FAM227B: variants seen among roughly 807,000 people sequenced by gnomAD.
FAM227B encodes protein FAM227B.
In FAM227B, 88 loss-of-function variants were observed where a neutral mutation model predicts 73.8. The observed-to-expected ratio is 1.19, with a 90% CI of 1.00 to 1.42. The LOEUF is 1.42. FAM227B is among the 40% of genes most tolerant of loss of function. The pLI is 0.00. For missense variants in FAM227B, 632 were observed against 590.9 expected, an observed-to-expected ratio of 1.07 and a Z score of -0.72; for synonymous variants, 210 against 190.5, an observed-to-expected ratio of 1.10 and a Z score of -0.84.
At chr15:49,549,896 TTGG>T (rs2072563177) in intron 9 of FAM227B, among the ~76,000 whole-genome samples, 1 of 112,490 alleles carries the variant, frequency 8.9e-6, no homozygotes, top group African/African-American at 2.8e-5. Flanking sequence ...GACGGGGTGG[TTGG>T]CCGGGCGGGG....
intron 11 of FAM227B, among the ~76,000 whole-genome samples, chr15:49,452,068 G>T (rs537851587): frequency 6.6e-6 from 1 of 151,600 alleles, no homozygotes; most frequent in South Asian, 2.1e-4. Flanking sequence ...TTGAGATAGA[G>T]TCTTGCTCTG....
intron 13 of FAM227B, among the ~76,000 whole-genome samples, chr15:49,335,902 G>A (rs2039627288): frequency 6.6e-6 from 1 of 151,988 alleles, no homozygotes; most frequent in Admixed American, 6.6e-5. Flanking sequence ...ACCCAGGCTG[G>A]AGTGTGGTAA....
At chr15:49,334,675 A>G (rs1340136941) in intron 14 of FAM227B, among the ~76,000 whole-genome samples, 4 of 152,176 alleles carry the variant, frequency 2.6e-5, no homozygotes, top group African/African-American at 9.7e-5. Flanking sequence ...GCAGGGGCGC[A>G]GGCTTTTAGA....
intron 8 of FAM227B, among the ~76,000 whole-genome samples, chr15:49,570,442 T>C (rs1346041026): frequency 2.0e-5 from 3 of 151,936 alleles, no homozygotes; most frequent in Admixed American, 2.0e-4. Flanking sequence ...ACATAGCTAT[T>C]TGTATGTCTT....
intron 9 of FAM227B, among the ~76,000 whole-genome samples, chr15:49,558,642 T>C (rs1047534880): frequency 6.6e-6 from 1 of 152,126 alleles, no homozygotes; most frequent in African/African-American, 2.4e-5. Flanking sequence ...TTTTACCTGC[T>C]GCCACCTAAG....
intron 11 of FAM227B, among the ~76,000 whole-genome samples, chr15:49,397,045 C>A (rs1340854595): frequency 1.3e-5 from 2 of 152,222 alleles, no homozygotes; most frequent in African/African-American, 4.8e-5. Context: ...GATCAAATTA[C>A]TCTGAGCTAC....
intron 10 of FAM227B, among the ~76,000 whole-genome samples, chr15:49,524,123 G>T (rs552405455): frequency 5.3e-5 from 8 of 152,344 alleles, no homozygotes; most frequent in Non-Finnish European, 1.5e-5. Context: ...ATGAAGAGCT[G>T]AATGTTAATC....
intron 13 of FAM227B, among the ~76,000 whole-genome samples, chr15:49,336,209 G>A (rs2039686165): frequency 6.6e-6 from 1 of 152,218 alleles, no homozygotes; most frequent in South Asian, 2.1e-4. Flanking sequence ...CCTGGCTTCT[G>A]CCATCTTCCC....
chr15:49,415,688 CAGAG>C (rs1234439211), intron 11 of FAM227B, among the ~76,000 whole-genome samples: 2 of 152,076 alleles, frequency 1.3e-5, no homozygotes, highest in Non-Finnish European at 2.9e-5. Context: ...TTTATAGACT[CAGAG>C]ATACAAGAGT....
chr15:49,356,902 A>G (rs910998294), intron 13 of FAM227B, among the ~76,000 whole-genome samples: 1 of 142,514 alleles, frequency 7.0e-6, no homozygotes, highest in South Asian at 2.4e-4. Flanking sequence ...CCACAGTGCA[A>G]TCAAACTAGA....
At chr15:49,501,645 G>A (rs1297458311) in intron 11 of FAM227B, among the ~76,000 whole-genome samples, 1 of 152,274 alleles carries the variant, frequency 6.6e-6, no homozygotes. Context: ...CCATGTGGCA[G>A]AGAAAGAAAA....
chr15:49,507,138 A>C (rs2058643869), intron 11 of FAM227B, among the ~76,000 whole-genome samples: 1 of 151,500 alleles, frequency 6.6e-6, no homozygotes, highest in African/African-American at 2.4e-5. Flanking sequence ...TGAGGATGAC[A>C]GCAAACAAGA....
chr15:49,335,476 C>T lies in FAM227B; in HGVS notation c.1292G>A (p.Arg431His), dbSNP rs200882794. ...FQEPLPAPTY[R>H]DVIKEAKRQF... ...TCTTTTTGCCTCCTTTATAACATCA[C>T]GGTATGTTGGAGCAGGTAGTGTGCT... The change falls in exon 14 of 16, where the codon CGT (arginine) becomes CAT (histidine). Residue 431 changes from arginine to histidine, a missense_variant. Arg to His is a conservative substitution (Grantham distance 29, BLOSUM62 0). Transcript: ENST00000299338. 1.5e-4 allele frequency: 250 copies of T among 1,613,302 alleles called. No individual in the cohort carries two copies. Among genetic ancestry groups the T allele is most frequent in the East Asian group, 3.6e-4 (16 of 44,854 alleles).
chr15:49,464,044 T>C (rs974987309), intron 11 of FAM227B, among the ~76,000 whole-genome samples: 1 of 152,176 alleles, frequency 6.6e-6, no homozygotes, highest in African/African-American at 2.4e-5. Flanking sequence ...TTGTGATTTT[T>C]TTTTCCATCC....
At chr15:49,356,455 T>C (rs1400864987) in intron 13 of FAM227B, among the ~76,000 whole-genome samples, 1 of 150,436 alleles carries the variant, frequency 6.6e-6, no homozygotes, top group Non-Finnish European at 1.5e-5. Context: ...TACAACAGAC[T>C]TTAAACCAAC....
Position 49,559,795 on chromosome 15 carries a change from C to T in FAM227B, c.747+8450G>A, listed in dbSNP as rs892849604. On this transcript the variant is annotated intron_variant, in intron 9 of 15. Coordinates refer to ENST00000299338, the MANE Select transcript of FAM227B (RefSeq NM_152647.3). ...ACTAAAAATACAAAAATTAGCAGGGCGTGGTGGCACGTGCCTGTAATCCCA... is the reference window on the plus strand; with the variant it reads ...ACTAAAAATACAAAAATTAGCAGGGTGTGGTGGCACGTGCCTGTAATCCCA... 7.2e-5 allele frequency among the ~76,000 whole-genome samples: 11 copies of T among 151,986 alleles called. 1 individual carries two copies. The South Asian group carries it at 1.5e-3, about 20-fold the overall frequency.
intron 13 of FAM227B, among the ~76,000 whole-genome samples, chr15:49,337,507 AC>A (rs2039941840): frequency 8.7e-5 from 2 of 22,990 alleles, no homozygotes; most frequent in African/African-American, 3.6e-4. Context: ...TCATTTACCC[AC>A]TTTTTTTTTT....
intron 11 of FAM227B, among the ~76,000 whole-genome samples, chr15:49,504,300 T>C: frequency 7.2e-6 from 1 of 139,124 alleles, no homozygotes; most frequent in East Asian, 2.5e-4. Context: ...GGGGGAGGGA[T>C]AGCATTAGGA....
chr15:49,416,537 G>T (rs1281096241), intron 11 of FAM227B, among the ~76,000 whole-genome samples: 2 of 152,022 alleles, frequency 1.3e-5, no homozygotes, highest in Non-Finnish European at 1.5e-5. Flanking sequence ...AGAAATAAAA[G>T]GCATCCAAAT....
Sources: gnomAD v4.1 joint callset for allele counts (sites outside exome capture counted in the v4.1 genomes callset) on GRCh38, gnomAD v4.1.1 for gene constraint, MANE v1.5 for transcripts, NCBI Gene and HGNC (gene_info 2026-07-23, HGNC 2026-07-21) for gene names.